Variants in PPP2R2C observed in about 807,000 individuals in gnomAD.
PPP2R2C encodes the protein protein phosphatase 2, regulatory subunit B, gamma.
Under a neutral mutation model 45.3 loss-of-function variants are expected in PPP2R2C, and 10 were observed. The ratio of observed to expected loss-of-function variants is 0.22; its 90% CI spans 0.14 to 0.37. The LOEUF (loss-of-function observed/expected upper bound fraction) is 0.37, where lower values mean the gene tolerates loss of function less well. Ranked by LOEUF, PPP2R2C falls within the 10% of genes least tolerant of loss-of-function variation. The pLI is 1.00. For missense variants in PPP2R2C, 308 were observed against 619.7 expected, an observed-to-expected ratio of 0.50 and a Z score of 5.34; for synonymous variants, 257 against 245.4, an observed-to-expected ratio of 1.05 and a Z score of -0.44.
Position 6,414,070 on chromosome 4 carries a change from CTGTGTATGTGTGTGTGTGTGTG to C in PPP2R2C, c.71-32998_71-32977del, listed in dbSNP as rs1428536520. 2.2e-4 allele frequency: 265 copies of C among 1,202,604 alleles called. 1 individual carries two copies. In the African/African-American group the frequency reaches 3.5e-3, roughly 16 times the overall value. 74.5% of individuals were successfully genotyped at this position (1,202,604 alleles called of 1,614,324 possible). A position where few individuals can be genotyped will look rare whatever the true frequency, so the allele number is the denominator to read the frequency against. On this transcript the variant is annotated intron_variant, in intron 1 of 8. Coordinates refer to ENST00000382599, the MANE Select transcript of PPP2R2C (RefSeq NM_020416.4). ...CATGGGACAGTAACATAAGTTTTGC[CTGTGTATGTGTGTGTGTGTGTG>C]TGTGTGTGTGTGTGTGTGTGTGTGT...
chr4:6,516,519 C>T (rs1396323243), intron 2 of PPP2R2C, among the ~76,000 whole-genome samples: 1 of 152,206 alleles, frequency 6.6e-6, no homozygotes, highest in African/African-American at 2.4e-5. Context: ...CCAGGCCATC[C>T]GTCCATCTGT....
intron 1 of PPP2R2C, among the ~76,000 whole-genome samples, chr4:6,457,108 C>T (rs1332931086): frequency 6.8e-6 from 1 of 147,614 alleles, no homozygotes; most frequent in Admixed American, 7.0e-5. Flanking sequence ...ACTCAGGAGG[C>T]TGAGGCAGGA....
chr4:6,428,333 G>C (rs1719443799), intron 1 of PPP2R2C, among the ~76,000 whole-genome samples: 1 of 152,190 alleles, frequency 6.6e-6, no homozygotes, highest in Non-Finnish European at 1.5e-5. Flanking sequence ...AACTCCATAA[G>C]ACCTGCTCAC....
chr4:6,527,217 C>T (rs1199895588), intron 2 of PPP2R2C, among the ~76,000 whole-genome samples: 5 of 152,340 alleles, frequency 3.3e-5, no homozygotes, highest in African/African-American at 9.6e-5. Context: ...GCTACCAACT[C>T]GCTGAGCGAC....
In PPP2R2C at chr4:6,368,285, C is replaced by T. The variant is rs763976076; in HGVS notation, c.625+4238G>A. Among the ~76,000 whole-genome samples, 53 of 152,192 alleles carry T rather than the reference C, an allele frequency of 3.5e-4. No individual in the cohort carries two copies. Among genetic ancestry groups the T allele is most frequent in the Non-Finnish European group, 5.6e-4 (38 of 68,034 alleles). On this transcript the variant is annotated intron_variant, in intron 5 of 8. Coordinates refer to ENST00000382599, the MANE Select transcript of PPP2R2C (RefSeq NM_020416.4). This position sits in a 1 kb window ranked among gnomAD's most constrained non-coding sequence, Gnocchi z 4.2. Reference sequence around the variant, plus strand: ...CCTGAGGCCTGCAGCCAGCAGCAGGCGTGGCTGGAGAGAAATGTACACGGC... The same window carrying T: ...CCTGAGGCCTGCAGCCAGCAGCAGGTGTGGCTGGAGAGAAATGTACACGGC...
intron 2 of PPP2R2C, among the ~76,000 whole-genome samples, chr4:6,488,342 T>C (rs1329843655): frequency 1.3e-5 from 2 of 152,198 alleles, no homozygotes; most frequent in Non-Finnish European, 2.9e-5. Flanking sequence ...TGTATTCCTA[T>C]AAATATTCCT....
intron 1 of PPP2R2C, among the ~76,000 whole-genome samples, chr4:6,425,481 G>A (rs558454676): frequency 6.6e-6 from 1 of 152,274 alleles, no homozygotes; most frequent in South Asian, 2.1e-4. Flanking sequence ...CTGGAAGTCT[G>A]GGGGTGTCCC....
At chr4:6,420,820 A>T (rs939224333) in intron 1 of PPP2R2C, 9 of 541,768 alleles carry the variant, frequency 1.7e-5, no homozygotes, top group African/African-American at 1.6e-4. Flanking sequence ...TTTGACATGG[A>T]ATGACGGCTG....
At chr4:6,457,376 T>A (rs542672203) in intron 1 of PPP2R2C, among the ~76,000 whole-genome samples, 6 of 152,016 alleles carry the variant, frequency 3.9e-5, no homozygotes, top group South Asian at 2.1e-4. Context: ...CACTGGGAAT[T>A]TTTTTTTCTT....
At chr4:6,342,297 CA>C (rs1733514211) in intron 6 of PPP2R2C, among the ~76,000 whole-genome samples, 1 of 152,110 alleles carries the variant, frequency 6.6e-6, no homozygotes, top group Non-Finnish European at 1.5e-5. Flanking sequence ...TTGAGGGAGT[CA>C]AAAGTTAAGC....
intron 1 of PPP2R2C, among the ~76,000 whole-genome samples, chr4:6,562,264 C>A (rs564870387): frequency 7.9e-5 from 12 of 152,286 alleles, no homozygotes; most frequent in African/African-American, 2.4e-4. Flanking sequence ...CCACTCCCTG[C>A]CACAGCCCGT....
intron 5 of PPP2R2C, among the ~76,000 whole-genome samples, chr4:6,370,433 C>T (rs1190269676): frequency 1.3e-5 from 2 of 152,232 alleles, no homozygotes; most frequent in Non-Finnish European, 2.9e-5. Context: ...GAGACCGCCC[C>T]TCCCCCACAT....
intron 2 of PPP2R2C, among the ~76,000 whole-genome samples, chr4:6,534,846 T>C (rs961432136): frequency 6.6e-6 from 1 of 152,252 alleles, no homozygotes. Flanking sequence ...GGCCGCTCAG[T>C]GTGAGCCTCA....
intron 6 of PPP2R2C, among the ~76,000 whole-genome samples, chr4:6,337,211 T>C (rs1257409455): frequency 7.1e-6 from 1 of 141,198 alleles, no homozygotes; most frequent in Non-Finnish European, 1.5e-5. Context: ...CAGTTCCCTT[T>C]TCTCTCTGAT....
chr4:6,350,872 G>C (rs79236051), intron 5 of PPP2R2C: 1 of 985,312 alleles, frequency 1.0e-6, no homozygotes, highest in Non-Finnish European at 1.2e-6. Context: ...GCGTGAGTGG[G>C]AGGTGTGAAG....
intron 1 of PPP2R2C, among the ~76,000 whole-genome samples, chr4:6,440,774 A>G (rs1277844403): frequency 3.9e-5 from 6 of 152,138 alleles, no homozygotes; most frequent in African/African-American, 1.4e-4. Context: ...TAGTGCCTCA[A>G]CACCTTTGCT....
intron 2 of PPP2R2C, among the ~76,000 whole-genome samples, chr4:6,481,186 G>A (rs1472731422): frequency 1.3e-5 from 2 of 152,220 alleles, no homozygotes; most frequent in Non-Finnish European, 2.9e-5. Context: ...TGTAGGAAAT[G>A]TATCAATATT....
intron 1 of PPP2R2C, among the ~76,000 whole-genome samples, chr4:6,539,138 CAA>C (rs35717717): frequency 1.5e-5 from 2 of 130,820 alleles, no homozygotes; most frequent in Non-Finnish European, 1.7e-5. Context: ...GATGTCCTTC[CAA>C]AAAAAAAAAA....
intron 2 of PPP2R2C, among the ~76,000 whole-genome samples, chr4:6,487,927 T>G (rs1289686644): frequency 6.6e-6 from 1 of 152,246 alleles, no homozygotes; most frequent in Non-Finnish European, 1.5e-5. Flanking sequence ...TTTATCTTTT[T>G]ACTCTCTATA....
Sources: allele counts gnomAD v4.1 joint callset (sites outside exome capture counted in the v4.1 genomes callset), GRCh38; gene constraint gnomAD v4.1.1; non-coding constraint Gnocchi (gnomAD v3.1); transcripts MANE v1.5; gene names NCBI Gene and HGNC (gene_info 2026-07-23, HGNC 2026-07-21).